The following NEXMIF variants were observed in gnomAD, a reference collection of about 807,000 sequenced individuals.
NEXMIF encodes the protein XLMR protein related to neurite extension.
Under a neutral mutation model 62.1 loss-of-function variants are expected in NEXMIF, and 8 were observed. That is an observed-to-expected ratio of 0.13 (90% CI 0.08 to 0.23). The LOEUF (loss-of-function observed/expected upper bound fraction) is 0.23, where lower values mean the gene tolerates loss of function less well. NEXMIF is among the 10% of genes least tolerant of loss of function. The probability of loss-of-function intolerance (pLI) is 1.00; values close to 1 mark genes in which losing one functional copy is unlikely to be tolerated. For synonymous variants in NEXMIF, 404 were observed against 416.6 expected, an observed-to-expected ratio of 0.97 and a Z score of 0.37; for missense variants, 976 against 1,113.3, an observed-to-expected ratio of 0.88 and a Z score of 1.75.
chrX:74,825,700 G>A (rs776139305), intron 1 of NEXMIF, among the ~76,000 whole-genome samples: 7 of 111,512 alleles, frequency 6.3e-5, no homozygotes, highest in East Asian at 2.8e-4. Context: ...GATTACAGGC[G>A]CCCACCATCA....
At chrX:74,920,237 C>T (rs1306319040) in intron 1 of NEXMIF, among the ~76,000 whole-genome samples, 1 of 110,445 alleles carries the variant, frequency 9.1e-6, no homozygotes, top group African/African-American at 3.3e-5. Flanking sequence ...TTTACAGTCC[C>T]AGCAACAGTG....
intron 1 of NEXMIF, among the ~76,000 whole-genome samples, chrX:74,764,616 T>C (rs2080189089): frequency 9.0e-6 from 1 of 111,617 alleles, no homozygotes; most frequent in South Asian, 3.8e-4. Context: ...TTTTGGTTGG[T>C]AGGGTTTTTA....
rs770020936 is a variant in NEXMIF at position 74,801,407 on chromosome X, T to C, written c.-47-55710A>G. Among the ~76,000 whole-genome samples, 22 of 111,768 alleles carry C rather than the reference T, an allele frequency of 2.0e-4. 1 individual carries two copies. The highest frequency in any genetic ancestry group is 6.8e-4 in the African/African-American group (21 of 30,777). On this transcript the variant is annotated intron_variant, in intron 1 of 3. Coordinates refer to ENST00000055682, the MANE Select transcript of NEXMIF (RefSeq NM_001008537.3). ...GAAACTGTCAAACTGCCTTCCAAAATGGCCACACCAAGGAGGGGTCAGAGC... is the reference window on the plus strand; with the variant it reads ...GAAACTGTCAAACTGCCTTCCAAAACGGCCACACCAAGGAGGGGTCAGAGC...
intron 1 of NEXMIF, among the ~76,000 whole-genome samples, chrX:74,762,585 G>A (rs1302339069): frequency 8.9e-6 from 1 of 111,857 alleles, no homozygotes; most frequent in African/African-American, 3.3e-5. Flanking sequence ...CACCAACGGT[G>A]TAAAAGCATT....
At chrX:74,746,890 T>C (rs2080127548) in intron 1 of NEXMIF, among the ~76,000 whole-genome samples, 1 of 112,614 alleles carries the variant, frequency 8.9e-6, no homozygotes, top group Non-Finnish European at 1.9e-5. Flanking sequence ...CAATAAACCA[T>C]GGGTGCCAGG....
intron 1 of NEXMIF, among the ~76,000 whole-genome samples, chrX:74,765,909 C>T (rs983313636): frequency 1.3e-4 from 14 of 104,712 alleles, no homozygotes; most frequent in African/African-American, 3.9e-4. Context: ...GGTGTGGTGG[C>T]ACATACCTGT....
At chrX:74,792,185 C>T (rs1189215544) in intron 1 of NEXMIF, among the ~76,000 whole-genome samples, 39 of 111,376 alleles carry the variant, frequency 3.5e-4, no homozygotes, top group African/African-American at 8.2e-4. Context: ...TCTTTGTTCT[C>T]ATTGGTTTCA....
intron 1 of NEXMIF, among the ~76,000 whole-genome samples, chrX:74,865,828 A>G (rs935466998): frequency 3.6e-5 from 4 of 112,056 alleles, no homozygotes; most frequent in Admixed American, 9.4e-5. Context: ...GTGGGTACAC[A>G]GAAGTTCAAG....
chrX:74,920,347 G>A (rs2080822406), intron 1 of NEXMIF, among the ~76,000 whole-genome samples: 1 of 112,089 alleles, frequency 8.9e-6, no homozygotes, highest in Admixed American at 9.4e-5. Flanking sequence ...ATCTCATTGT[G>A]GTTTTCATTT....
intron 1 of NEXMIF, among the ~76,000 whole-genome samples, chrX:74,794,344 C>T (rs1471881707): frequency 9.5e-6 from 1 of 105,381 alleles, no homozygotes. Context: ...CTCAGATCTC[C>T]AGCTGCGTGC....
intron 1 of NEXMIF, among the ~76,000 whole-genome samples, chrX:74,862,637 C>T (rs1011993368): frequency 6.3e-5 from 7 of 111,545 alleles, no homozygotes; most frequent in South Asian, 3.8e-4. Flanking sequence ...AACAAACAGT[C>T]GCTCAGACCA....
intron 1 of NEXMIF, among the ~76,000 whole-genome samples, chrX:74,841,411 T>C (rs1297405748): frequency 1.8e-5 from 2 of 111,998 alleles, no homozygotes; most frequent in African/African-American, 6.5e-5. Context: ...TGTAGAATCA[T>C]GTCGTCTGCA....
chrX:74,865,753 C>A (rs1569357734), intron 1 of NEXMIF, among the ~76,000 whole-genome samples: 1 of 112,042 alleles, frequency 8.9e-6, no homozygotes, highest in South Asian at 3.7e-4. Context: ...TAAAGTACAG[C>A]TTGGGCCATG....
intron 1 of NEXMIF, among the ~76,000 whole-genome samples, chrX:74,806,389 C>T (rs1333617941): frequency 9.0e-6 from 1 of 111,057 alleles, no homozygotes. Context: ...ATGTAACAAA[C>T]TTGCACATGT....
chrX:74,741,309 A>G lies in NEXMIF; in HGVS notation c.3248T>C (p.Ile1083Thr). The G allele has an allele frequency of 5.8e-6, 7 of 1,211,150 alleles. No individual in the cohort carries two copies. Among genetic ancestry groups the G allele is most frequent in the Non-Finnish European group, 6.7e-6 (6 of 895,380 alleles). Residue 1083 changes from isoleucine (I) to threonine (T), a missense_variant, in exon 3 of 4, where the codon ATT becomes ACT. Ile to Thr is a moderately conservative substitution (Grantham distance 89). Coordinates refer to ENST00000055682, the MANE Select transcript of NEXMIF (RefSeq NM_001008537.3). ...TGTCTTCATACTCTCACATCTGGTA[A>G]TTTGAGGGGAAAGACTAGGGGTGTC... ...PPDTPSLSPQ[I>T]TRCESMKTLG... is the part of the protein sequence containing the mutation.
intron 1 of NEXMIF, among the ~76,000 whole-genome samples, chrX:74,866,356 C>A (rs2080579095): frequency 8.9e-6 from 1 of 111,950 alleles, no homozygotes; most frequent in African/African-American, 3.2e-5. Flanking sequence ...TGTATTTGCC[C>A]AATGCCTGCA....
rs1225166711 is a variant in NEXMIF at position 74,925,026 on chromosome X, T to TGCCGCC, written c.-197_-192dup. The stretch of plus-strand genomic sequence containing the variant: ...TAGCCGCCACCGCCGCTGCTACTGC[T>TGCCGCC]GCCGCCGCCGCCGCCGCCTCTGCCT... On this transcript the variant is annotated 5_prime_UTR_variant, in exon 1 of 4. Transcript: ENST00000055682. 3.3e-5 allele frequency: 4 copies of TGCCGCC among 120,082 alleles called. No individual in the cohort carries two copies. The highest frequency in any genetic ancestry group is 6.4e-5 in the African/African-American group (2 of 31,380). The allele number at this position is 120,082 out of a possible 1,213,427, so 9.9% of individuals were successfully genotyped here. A position where few individuals can be genotyped will look rare whatever the true frequency, so the allele number is the denominator to read the frequency against.
intron 1 of NEXMIF, among the ~76,000 whole-genome samples, chrX:74,794,955 A>C (rs1284787218): frequency 9.0e-6 from 1 of 111,620 alleles, no homozygotes; most frequent in Non-Finnish European, 1.9e-5. Flanking sequence ...TCACGCTGGG[A>C]GCTGTAGACT....
At chrX:74,883,287 C>T (rs771676476) in intron 1 of NEXMIF, among the ~76,000 whole-genome samples, 1 of 111,802 alleles carries the variant, frequency 8.9e-6, no homozygotes, top group Non-Finnish European at 1.9e-5. Flanking sequence ...ACGGAAGAAG[C>T]TGGATGGAGA....
Sources: allele counts gnomAD v4.1 joint callset (sites outside exome capture counted in the v4.1 genomes callset), GRCh38; gene constraint gnomAD v4.1.1; transcripts MANE v1.5; gene names NCBI Gene and HGNC (gene_info 2026-07-23, HGNC 2026-07-21).